SPMAP2L: variants seen among roughly 807,000 people sequenced by gnomAD.
SPMAP2L encodes sperm microtubule associated protein 2 like.
At chr4:56,607,522 C>A in the SPMAP2L span, among the ~76,000 whole-genome samples, 2 of 152,142 alleles carry the variant, frequency 1.3e-5, no homozygotes, top group Admixed American at 6.6e-5. Flanking sequence ...AGCTTTGGAA[C>A]TGGTAATGGA....
the SPMAP2L span, among the ~76,000 whole-genome samples, chr4:56,532,829 G>T: frequency 2.0e-5 from 3 of 152,170 alleles, no homozygotes; most frequent in Non-Finnish European, 2.9e-5. Context: ...CACTTGGAAA[G>T]ATCTTGTCCT....
chr4:56,589,191 G>A, the SPMAP2L span, among the ~76,000 whole-genome samples: 13,563 of 151,886 alleles, frequency 0.089, 796 homozygotes, highest in East Asian at 0.24. Context: ...GTTTCACCAC[G>A]TTGGCCAGGC....
chr4:56,624,860 G>A, the SPMAP2L span, among the ~76,000 whole-genome samples: 39 of 152,302 alleles, frequency 2.6e-4, no homozygotes, highest in African/African-American at 9.1e-4. Flanking sequence ...GGAAATGTGG[G>A]GTCAGAGCCC....
the SPMAP2L span, among the ~76,000 whole-genome samples, chr4:56,562,861 G>C: frequency 7.5e-6 from 1 of 133,576 alleles, no homozygotes; most frequent in Non-Finnish European, 1.6e-5. Flanking sequence ...AATTTATATA[G>C]TGCTTTTTGT....
At chr4:56,584,428 TA>T in the SPMAP2L span, 1 of 956,866 alleles carries the variant, frequency 1.0e-6, no homozygotes, top group Non-Finnish European at 1.6e-6. Context: ...TTGATTGTAG[TA>T]ATGGAAAATC....
At chr4:56,623,306 C>A in the SPMAP2L span, among the ~76,000 whole-genome samples, 1 of 152,156 alleles carries the variant, frequency 6.6e-6, no homozygotes, top group Non-Finnish European at 1.5e-5. Context: ...GACACAGCTT[C>A]TTTTTCTTTA....
At chr4:56,606,239 A>G in the SPMAP2L span, among the ~76,000 whole-genome samples, 1 of 152,230 alleles carries the variant, frequency 6.6e-6, no homozygotes, top group Non-Finnish European at 1.5e-5. Flanking sequence ...ACATATGTTA[A>G]GTGGACAGTT....
the SPMAP2L span, among the ~76,000 whole-genome samples, chr4:56,588,305 G>C: frequency 6.6e-6 from 1 of 152,158 alleles, no homozygotes; most frequent in African/African-American, 2.4e-5. Flanking sequence ...CTGTGCAAAA[G>C]CTCTTTAGTT....
chr4:56,607,365 T>C, the SPMAP2L span, among the ~76,000 whole-genome samples: 2 of 152,200 alleles, frequency 1.3e-5, no homozygotes, highest in Non-Finnish European at 2.9e-5. Flanking sequence ...ATCTTAGACT[T>C]CCCAGCCTCA....
At chr4:56,559,357 T>TG in the SPMAP2L span, 1 of 1,433,428 alleles carries the variant, frequency 7.0e-7, no homozygotes, top group South Asian at 1.4e-5. Flanking sequence ...GCAATCAATT[T>TG]TTTTTTACCA....
the SPMAP2L span, among the ~76,000 whole-genome samples, chr4:56,612,863 G>A: frequency 2.6e-4 from 40 of 152,230 alleles, no homozygotes; most frequent in African/African-American, 5.5e-4. Context: ...CCCCACGCCC[G>A]GCCTGCTAAC....
chr4:56,601,637 C>T, the SPMAP2L span, among the ~76,000 whole-genome samples: 4 of 151,884 alleles, frequency 2.6e-5, no homozygotes, highest in Non-Finnish European at 5.9e-5. Flanking sequence ...TGGCATGTGC[C>T]TGTAGTTCTA....
the SPMAP2L span, among the ~76,000 whole-genome samples, chr4:56,582,631 C>A: frequency 1.3e-5 from 2 of 152,112 alleles, no homozygotes; most frequent in Non-Finnish European, 2.9e-5. Context: ...TAGAATACTG[C>A]AACTGATATA....
chr4:56,537,055 C>G, the SPMAP2L span, among the ~76,000 whole-genome samples: 1 of 152,162 alleles, frequency 6.6e-6, no homozygotes, highest in Non-Finnish European at 1.5e-5. Context: ...TGAGCCACCA[C>G]GCCCGGCCAA....
chr4:56,582,391 G>A, the SPMAP2L span, among the ~76,000 whole-genome samples: 1 of 151,930 alleles, frequency 6.6e-6, no homozygotes, highest in Non-Finnish European at 1.5e-5. Flanking sequence ...ATCGGCAAAG[G>A]ATTTAAATAG....
At chr4:56,563,771 G>A in the SPMAP2L span, among the ~76,000 whole-genome samples, 1 of 152,126 alleles carries the variant, frequency 6.6e-6, no homozygotes, top group Non-Finnish European at 1.5e-5. Context: ...TAGACATTAT[G>A]TACACTAAGT....
the SPMAP2L span, among the ~76,000 whole-genome samples, chr4:56,541,661 C>T: frequency 6.6e-6 from 1 of 152,046 alleles, no homozygotes; most frequent in Non-Finnish European, 1.5e-5. Context: ...TTTGGGCATC[C>T]TGTAGGACAA....
the SPMAP2L span, among the ~76,000 whole-genome samples, chr4:56,608,569 C>G: frequency 6.6e-6 from 1 of 152,170 alleles, no homozygotes; most frequent in Non-Finnish European, 1.5e-5. Flanking sequence ...ACCTTGGGGC[C>G]CACTTCCTAG....
the SPMAP2L span, among the ~76,000 whole-genome samples, chr4:56,609,050 C>CTTTTTTT: frequency 3.5e-5 from 4 of 115,604 alleles, no homozygotes; most frequent in Non-Finnish European, 5.5e-5. Context: ...TTCTTTCTTT[C>CTTTTTTT]TTTTTTTTTT....
Sources: allele counts gnomAD v4.1 joint callset (sites outside exome capture counted in the v4.1 genomes callset), GRCh38; gene constraint gnomAD v4.1.1; transcripts MANE v1.5; gene names NCBI Gene and HGNC (gene_info 2026-07-23, HGNC 2026-07-21).